PFN4: variants seen among roughly 807,000 people sequenced by gnomAD.
PFN4 encodes profilin-4.
In PFN4, 10 loss-of-function variants were observed where a neutral mutation model predicts 16.3. That is an observed-to-expected ratio of 0.61 (90% confidence interval 0.38 to 1.04). PFN4 has a LOEUF of 1.04. Ranked by LOEUF, PFN4 falls within the 50% of genes least tolerant of loss-of-function variation. PFN4 has a pLI of 0.01. For missense variants in PFN4, 136 were observed against 153.6 expected (o/e 0.89, Z 0.61); for synonymous variants, 54 against 56.9 (o/e 0.95, Z 0.23).
intron 4 of PFN4, among the ~76,000 whole-genome samples, chr2:24,117,723 G>T (rs1665967609): frequency 6.6e-6 from 1 of 152,182 alleles, no homozygotes; most frequent in Admixed American, 6.5e-5. Context: ...GATTACAGGT[G>T]TGAGCCACCC....
At chr2:24,119,976 C>T (rs962193951) in intron 3 of PFN4, among the ~76,000 whole-genome samples, 1 of 152,044 alleles carries the variant, frequency 6.6e-6, no homozygotes, top group African/African-American at 2.4e-5. Context: ...CCAATTAGAA[C>T]AACTGATGTA....
chr2:24,116,106 AT>A (rs1665908926), intron 4 of PFN4, among the ~76,000 whole-genome samples: 2 of 152,002 alleles, frequency 1.3e-5, no homozygotes, highest in South Asian at 4.1e-4. Flanking sequence ...AGGTGGGTTG[AT>A]CATGAGGTCA....
chr2:24,119,730 G>T, intron 3 of PFN4, 48 bp from the exon 4 acceptor site: 1 of 1,422,456 alleles, frequency 7.0e-7, no homozygotes, highest in Non-Finnish European at 9.8e-7. Flanking sequence ...TCTAATCACA[G>T]GACCAGTGGT....
Position 24,121,169 on chromosome 2 carries a change from G to A in PFN4, c.249C>T (p.Ala83=). 6.2e-7 allele frequency: 1 copy of A among 1,613,446 alleles called. No homozygotes were observed. The highest frequency in any genetic ancestry group is 8.5e-7 in the Non-Finnish European group (1 of 1,179,806). ...TCAAATCTTGAGCACTCACATTTTTGGCATAAAGAGAATATTCATCTGCCC... is the reference window on the plus strand; with the variant it reads ...TCAAATCTTGAGCACTCACATTTTTAGCATAAAGAGAATATTCATCTGCCC... ...CVRADEYSLY[A]KNENTGVVVV... Residue 83 remains alanine (A), a synonymous_variant, in exon 3 of 5, where the codon GCC becomes GCT. Transcript: ENST00000313213.
intron 2 of PFN4, 26 bp downstream of exon 2, chr2:24,122,393 T>C: frequency 6.7e-7 from 1 of 1,481,720 alleles, no homozygotes; most frequent in Non-Finnish European, 9.4e-7. Context: ...AAATCAAGTC[T>C]TAGGTCCAAA....
At chr2:24,117,695 G>A (rs776709736) in intron 4 of PFN4, among the ~76,000 whole-genome samples, 4 of 152,034 alleles carry the variant, frequency 2.6e-5, no homozygotes, top group Non-Finnish European at 5.9e-5. Context: ...CACCTGCCTC[G>A]GCCTCCCAAA....
chr2:24,118,590 G>A (rs1486059149), intron 4 of PFN4, among the ~76,000 whole-genome samples: 2 of 152,166 alleles, frequency 1.3e-5, no homozygotes, highest in African/African-American at 4.8e-5. Context: ...AATCATAAAG[G>A]TATGCATAAA....
intron 2 of PFN4, among the ~76,000 whole-genome samples, chr2:24,122,148 A>G (rs933094443): frequency 3.3e-5 from 5 of 152,260 alleles, no homozygotes; most frequent in African/African-American, 7.2e-5. Context: ...CCTGACCAAC[A>G]TGGTAAAACA....
intron 3 of PFN4, 27 bp downstream of exon 3, chr2:24,121,136 A>G (rs768465074): frequency 6.2e-7 from 1 of 1,612,902 alleles, no homozygotes; most frequent in Admixed American, 1.7e-5. Flanking sequence ...TCTTTTACTC[A>G]GCTCTCTTCA....
chr2:24,115,466 A>C lies in PFN4; in HGVS notation c.*117T>G, dbSNP rs1665882951. The stretch of plus-strand genomic sequence containing the variant: ...GTAATAAAAATTGCTCCCTTAATTC[A>C]TTCTTCTTTTTTAGTGCCTTCTGTC... On this transcript the variant is annotated 3_prime_UTR_variant, in exon 5 of 5. Transcript: ENST00000313213. 1.2e-6 allele frequency: 1 copy of C among 848,374 alleles called. No individual in the cohort carries two copies. The highest frequency in any genetic ancestry group is 1.7e-5 in the African/African-American group (1 of 58,118). The allele number at this position is 848,374 out of a possible 1,614,324, so 52.6% of individuals were successfully genotyped here. A position where few individuals can be genotyped will look rare whatever the true frequency, so the allele number is the denominator to read the frequency against.
In PFN4 at chr2:24,115,609, C is replaced by T. The variant is rs769400939; in HGVS notation, c.364G>A (p.Asp122Asn). The T allele has an allele frequency of 1.9e-6, 3 of 1,612,394 alleles. No individual in the cohort carries two copies. In the South Asian group the frequency reaches 3.3e-5, roughly 18 times the overall value. ...TAACTTCCTTTTTTTCTTAGGTAGT[C>T]TCCTGAAAGCAAACACAGCATGGTT... ...ICVEATESLG[D>N]YLRKKGS The change falls in exon 5 of 5, where the codon GAC becomes AAC. Residue 122 changes from aspartate (D) to asparagine (N), a missense_variant and splice_region_variant. Coordinates refer to ENST00000313213, the MANE Select transcript of PFN4 (RefSeq NM_199346.3).
At chr2:24,120,125 C>T (rs1456363415) in intron 3 of PFN4, among the ~76,000 whole-genome samples, 1 of 152,004 alleles carries the variant, frequency 6.6e-6, no homozygotes, top group East Asian at 1.9e-4. Context: ...AAAAATTAGC[C>T]AGGCGTGGTG....
At chr2:24,121,937 A>T (rs1480005008) in intron 2 of PFN4, among the ~76,000 whole-genome samples, 1 of 152,214 alleles carries the variant, frequency 6.6e-6, no homozygotes, top group Non-Finnish European at 1.5e-5. Flanking sequence ...TTTTCTTTAT[A>T]AATTACCCAG....
In PFN4 at chr2:24,118,640, G is replaced by A. The variant is rs144725521; in HGVS notation, c.361+937C>T. On this transcript the variant is annotated intron_variant, in intron 4 of 4. Transcript: ENST00000313213. ...GGATAGAAGCCTGAGATCTGACTTG[G>A]TTCTTTAATGATGATTAGGAATTTG... 1.4e-3 allele frequency among the ~76,000 whole-genome samples: 218 copies of A among 152,326 alleles called. 3 individuals carry two copies. The highest frequency in any genetic ancestry group is 3.7e-3 in the African/African-American group (152 of 41,558).
rs139810299 is a variant in PFN4, at chr2:24,116,711, C to T, written c.362-1100G>A. On this transcript the variant is annotated intron_variant, in intron 4 of 4. Transcript: ENST00000313213. ...CTCTACTAAAAATACAAACATTAGC[C>T]TGTGTGGTGGCAGGCACCTGTAGTC... 3.7e-4 allele frequency among the ~76,000 whole-genome samples: 55 copies of T among 150,634 alleles called. 3 individuals carry two copies. In the East Asian group the frequency reaches 0.011, roughly 29 times the overall value.
intron 4 of PFN4, among the ~76,000 whole-genome samples, chr2:24,118,749 G>A (rs1228378013): frequency 1.3e-5 from 2 of 152,154 alleles, no homozygotes; most frequent in Non-Finnish European, 2.9e-5. Flanking sequence ...GAAGGCAGAA[G>A]CTATATCTTA....
At position 24,119,689 on chromosome 2, in the gene PFN4, A is replaced by C; in HGVS notation, c.256-7T>G. 6.3e-7 allele frequency: 1 copy of C among 1,599,226 alleles called. No homozygotes were observed. Among genetic ancestry groups the C allele is most frequent in the Non-Finnish European group, 8.6e-7 (1 of 1,168,118 alleles). ...CAACCACACCAGTGTTCTCCTGTAT[A>C]AAGAATATAAGAGAATATTCTGCTC... is the stretch of plus-strand genomic sequence containing the variant. On this transcript the variant is annotated splice_polypyrimidine_tract_variant and splice_region_variant and intron_variant, in intron 3 of 4. Transcript: ENST00000313213.
Position 24,122,441 on chromosome 2 carries a change from C to A in PFN4, c.95G>T (p.Cys32Phe). The change falls in exon 2 of 5, where the codon TGT becomes TTT. Residue 32 changes from cysteine to phenylalanine, a missense_variant. Cys to Phe is a radical substitution (Grantham distance 205). Transcript: ENST00000313213. ...ALIKIQERSL[C>F]VASPGFNVTP... ...TACATTGAAACCTGGTGATGCTACACACAAGCTCCGCTCCTGGATTTTGAT... is the reference window on the plus strand; with the variant it reads ...TACATTGAAACCTGGTGATGCTACAAACAAGCTCCGCTCCTGGATTTTGAT... 1 of 1,613,668 alleles carries A rather than the reference C, an allele frequency of 6.2e-7. No individual in the cohort carries two copies. The highest frequency in any genetic ancestry group is 8.5e-7 in the Non-Finnish European group (1 of 1,179,664).
chr2:24,118,064 C>T (rs1319480570), intron 4 of PFN4, among the ~76,000 whole-genome samples: 1 of 152,206 alleles, frequency 6.6e-6, no homozygotes, highest in Non-Finnish European at 1.5e-5. Context: ...ACCTACATTA[C>T]AGTAGTCAGG....
Sources: allele counts gnomAD v4.1 joint callset (sites outside exome capture counted in the v4.1 genomes callset), GRCh38; gene constraint gnomAD v4.1.1; transcripts MANE v1.5; gene names NCBI Gene and HGNC (gene_info 2026-07-23, HGNC 2026-07-21).